ERC2: variants seen among roughly 807,000 people sequenced by gnomAD.
The protein encoded by ERC2 is ERC protein 2.
In ERC2, 42 loss-of-function variants were observed where a neutral mutation model predicts 114.8. The observed-to-expected ratio is 0.37, with a 90% CI of 0.29 to 0.47. The LOEUF (loss-of-function observed/expected upper bound fraction) is 0.47, where lower values mean the gene tolerates loss of function less well. Ranked by LOEUF, ERC2 falls within the 20% of genes least tolerant of loss-of-function variation. The pLI is 0.99. For synonymous variants in ERC2, 454 were observed against 425.5 expected (o/e 1.07, Z -0.82); for missense variants, 939 against 1,150.7 (o/e 0.82, Z 2.66).
chr3:56,226,150 A>G (rs2150162556), intron 3 of ERC2, among the ~76,000 whole-genome samples: 1 of 152,260 alleles, frequency 6.6e-6, no homozygotes, highest in South Asian at 2.1e-4. Context: ...CCTACCTACA[A>G]AAGATTTAAT....
Position 56,296,384 on chromosome 3 carries a change from C to T in ERC2, c.709G>A (p.Asp237Asn). 1 of 1,614,002 alleles carries T rather than the reference C, an allele frequency of 6.2e-7. No homozygotes were observed. Among genetic ancestry groups the T allele is most frequent in the Non-Finnish European group, 8.5e-7 (1 of 1,179,894 alleles). Residue 237 changes from aspartate (D) to asparagine (N), a missense_variant, in exon 3 of 18, where the codon GAC becomes AAC. Around this residue, in one of 5 missense-constraint regions of ERC2, gnomAD observed 281 missense variants for 307.4 expected, o/e 0.91. Transcript: ENST00000288221. ...TCTTGCTGGAGGAGGTGGTTGAGGTCTCTCTGGGTTCGCAGCTCATCTTGA... is the reference window on the plus strand; with the variant it reads ...TCTTGCTGGAGGAGGTGGTTGAGGTTTCTCTGGGTTCGCAGCTCATCTTGA... ...ALQDELRTQR[D>N]LNHLLQQESG...
intron 6 of ERC2, among the ~76,000 whole-genome samples, chr3:56,114,462 A>T (rs556202888): frequency 6.6e-6 from 1 of 152,336 alleles, no homozygotes; most frequent in South Asian, 2.1e-4. Context: ...TGGGTATAAC[A>T]GGCATGTCTG....
At chr3:56,075,119 T>G (rs536479832) in intron 7 of ERC2, among the ~76,000 whole-genome samples, 2 of 127,724 alleles carry the variant, frequency 1.6e-5, no homozygotes, top group East Asian at 4.7e-4. Context: ...TCCCCCAGAC[T>G]GCAGTGTCAG....
chr3:56,265,356 G>C (rs2053223083), intron 3 of ERC2, among the ~76,000 whole-genome samples: 1 of 152,152 alleles, frequency 6.6e-6, no homozygotes, highest in South Asian at 2.1e-4. Context: ...AATGAGGAAA[G>C]GACAGTGTCT....
chr3:56,033,088 A>AAAG (rs2074584045), intron 7 of ERC2, among the ~76,000 whole-genome samples: 1 of 122,880 alleles, frequency 8.1e-6, no homozygotes, highest in Non-Finnish European at 1.8e-5. Context: ...AAGAAAGAAA[A>AAAG]GTAAAGTAAA....
intron 17 of ERC2, chr3:55,613,020 C>G (rs2058971846): frequency 6.6e-6 from 1 of 152,214 alleles, no homozygotes; most frequent in African/African-American, 2.4e-5. Context: ...GAAATTCCGG[C>G]AACCCTAATC....
intron 1 of ERC2, among the ~76,000 whole-genome samples, chr3:56,457,921 G>A (rs2063137108): frequency 6.6e-6 from 1 of 152,090 alleles, no homozygotes; most frequent in South Asian, 2.1e-4. Flanking sequence ...ATGATAGCCT[G>A]GATGTTCCCC....
chr3:56,395,142 A>G (rs1272278460), intron 2 of ERC2, among the ~76,000 whole-genome samples: 1 of 152,120 alleles, frequency 6.6e-6, no homozygotes, highest in Admixed American at 6.6e-5. Flanking sequence ...TGGGAGAAAT[A>G]GAGAATGACT....
intron 3 of ERC2, among the ~76,000 whole-genome samples, chr3:56,177,186 G>A (rs1040085314): frequency 6.6e-6 from 1 of 152,162 alleles, no homozygotes; most frequent in African/African-American, 2.4e-5. Flanking sequence ...AACTGCAATG[G>A]CTACAAGGCA....
intron 7 of ERC2, among the ~76,000 whole-genome samples, chr3:56,046,290 A>G (rs2075453831): frequency 6.6e-6 from 1 of 152,196 alleles, no homozygotes; most frequent in Non-Finnish European, 1.5e-5. Flanking sequence ...AGAATTCAGA[A>G]AGCATTATTC....
chr3:56,020,303 C>T (rs1011186378), intron 7 of ERC2, among the ~76,000 whole-genome samples: 2 of 152,178 alleles, frequency 1.3e-5, no homozygotes, highest in African/African-American at 4.8e-5. Context: ...AGCCTCCTTC[C>T]ATCCTTCGTT....
intron 3 of ERC2, among the ~76,000 whole-genome samples, chr3:56,197,123 T>C (rs1036214155): frequency 2.2e-4 from 34 of 152,180 alleles, no homozygotes; most frequent in Non-Finnish European, 1.0e-4. Flanking sequence ...TCCTAAGAAA[T>C]AGCAAAATGT....
At chr3:55,558,092 G>A (rs1290118770) in intron 17 of ERC2, among the ~76,000 whole-genome samples, 1 of 152,192 alleles carries the variant, frequency 6.6e-6, no homozygotes. Context: ...AACACTGAAT[G>A]AACATGAGCT....
intron 6 of ERC2, among the ~76,000 whole-genome samples, chr3:56,118,071 T>A (rs2079348842): frequency 6.6e-6 from 1 of 152,156 alleles, no homozygotes; most frequent in Non-Finnish European, 1.5e-5. Context: ...GAATAGAGAA[T>A]ATGTTCAGGG....
chr3:56,180,935 T>C (rs1476206609), intron 3 of ERC2, among the ~76,000 whole-genome samples: 1 of 152,246 alleles, frequency 6.6e-6, no homozygotes, highest in Non-Finnish European at 1.5e-5. Flanking sequence ...TTTTCATGCA[T>C]GTTTTTGTGC....
At chr3:56,007,067 T>C in intron 10 of ERC2, 114 bp downstream of exon 10, 2 of 890,886 alleles carry the variant, frequency 2.2e-6, no homozygotes, top group Non-Finnish European at 3.3e-6. Flanking sequence ...AATTCTTTTA[T>C]CAGCAGACAG....
chr3:56,446,669 A>C (rs1307942309), intron 1 of ERC2, among the ~76,000 whole-genome samples: 1 of 114,656 alleles, frequency 8.7e-6, no homozygotes, highest in Non-Finnish European at 1.6e-5. Flanking sequence ...TCTGACTCCC[A>C]GACTGGAGGG....
chr3:55,801,044 A>G (rs1303028947), intron 14 of ERC2, among the ~76,000 whole-genome samples: 3 of 152,188 alleles, frequency 2.0e-5, no homozygotes, highest in Admixed American at 2.0e-4. Context: ...AGGTTCTTGA[A>G]CAACCCATAA....
At chr3:55,926,701 G>A (rs569534323) in intron 13 of ERC2, among the ~76,000 whole-genome samples, 2 of 152,144 alleles carry the variant, frequency 1.3e-5, no homozygotes, top group South Asian at 4.2e-4. Context: ...AGGTGAACTC[G>A]AGCATCATGG....
Sources: allele counts gnomAD v4.1 joint callset (sites outside exome capture counted in the v4.1 genomes callset), GRCh38; gene constraint gnomAD v4.1.1; regional missense constraint gnomAD v4.1.1; transcripts MANE v1.5; gene names NCBI Gene and HGNC (gene_info 2026-07-23, HGNC 2026-07-21).